Variants in NCALD observed in about 807,000 individuals in gnomAD.
NCALD encodes the protein neurocalcin-delta.
A neutral mutation model predicts 18.6 loss-of-function variants in NCALD; 10 were observed. The ratio of observed to expected loss-of-function variants is 0.54; its 90% CI spans 0.33 to 0.91. The LOEUF (loss-of-function observed/expected upper bound fraction) is 0.91. Ranked by LOEUF, NCALD falls within the 40% of genes least tolerant of loss-of-function variation. NCALD has a pLI of 0.03. For missense variants in NCALD, 184 were observed against 247.6 expected (o/e 0.74, Z 1.72); for synonymous variants, 88 against 87.4 (o/e 1.01, Z -0.04).
intron 2 of NCALD, among the ~76,000 whole-genome samples, chr8:101,944,457 C>G (rs542129009): frequency 1.3e-5 from 2 of 152,178 alleles, no homozygotes; most frequent in Non-Finnish European, 2.9e-5. Flanking sequence ...GGTGCCTGCT[C>G]GACTGGAGTA....
At chr8:101,875,749 T>C (rs893852297) in intron 4 of NCALD, among the ~76,000 whole-genome samples, 7 of 152,204 alleles carry the variant, frequency 4.6e-5, no homozygotes, top group African/African-American at 1.7e-4. Flanking sequence ...ATGAGGAAGA[T>C]GTCCACATTC....
chr8:101,864,357 A>G (rs1173394098), intron 4 of NCALD, among the ~76,000 whole-genome samples: 1 of 152,186 alleles, frequency 6.6e-6, no homozygotes, highest in East Asian at 1.9e-4. Flanking sequence ...CACACAGTGC[A>G]TGTGAGTGAT....
intron 1 of NCALD, among the ~76,000 whole-genome samples, chr8:101,787,262 G>A (rs1042935180): frequency 6.6e-6 from 1 of 152,124 alleles, no homozygotes; most frequent in Non-Finnish European, 1.5e-5. Flanking sequence ...TCTTTATCAA[G>A]TTGCTAGAGA....
In NCALD at chr8:101,882,752, C is replaced by T. The variant is rs1816535986; in HGVS notation, c.-20+4389G>A. ...ACCTGAAGGTAATCCTCACTGGTGC[C>T]CTGGTGTAATTCCACTGATGTCAGT... is the stretch of plus-strand genomic sequence containing the variant. On this transcript the variant is annotated intron_variant, in intron 4 of 6. Coordinates refer to the NCALD transcript ENST00000311028. 2.0e-5 allele frequency among the ~76,000 whole-genome samples: 3 copies of T among 152,178 alleles called. No homozygotes were observed. In the South Asian group the frequency reaches 6.2e-4, roughly 32 times the overall value.
chr8:101,846,246 C>T (rs1207285530), intron 4 of NCALD, among the ~76,000 whole-genome samples: 1 of 152,148 alleles, frequency 6.6e-6, no homozygotes, highest in Non-Finnish European at 1.5e-5. Flanking sequence ...GAGGACTCTC[C>T]ATACTTTTTT....
chr8:101,829,599 T>C (rs1045333315), intron 4 of NCALD, among the ~76,000 whole-genome samples: 1 of 152,232 alleles, frequency 6.6e-6, no homozygotes, highest in Non-Finnish European at 1.5e-5. Context: ...ATTTTTTTAA[T>C]TAAAGAAGTA....
At chr8:101,887,285 G>A (rs1816710026) in intron 3 of NCALD, 2 of 152,170 alleles carry the variant, frequency 1.3e-5, no homozygotes, top group Non-Finnish European at 2.9e-5. Flanking sequence ...CTCTGTAAAA[G>A]TTTTGGTGAG....
chr8:101,796,359 AATAGGCAAT>A (rs1014143358), intron 4 of NCALD, among the ~76,000 whole-genome samples: 1 of 152,236 alleles, frequency 6.6e-6, no homozygotes, highest in African/African-American at 2.4e-5. Context: ...CTGAGGAAAA[AATAGGCAAT>A]ATAGGTAGAC....
intron 2 of NCALD, among the ~76,000 whole-genome samples, chr8:101,713,025 G>T (rs1815884527): frequency 6.6e-6 from 1 of 152,036 alleles, no homozygotes; most frequent in Admixed American, 6.6e-5. Context: ...ACACATAATT[G>T]AAAGTAAAAC....
intron 4 of NCALD, among the ~76,000 whole-genome samples, chr8:101,854,783 A>G (rs548458342): frequency 6.6e-5 from 10 of 152,320 alleles, no homozygotes; most frequent in Admixed American, 1.3e-4. Context: ...AAAAATTTTC[A>G]TAAAGTAACA....
At chr8:101,906,562 G>A (rs886134365) in intron 3 of NCALD, among the ~76,000 whole-genome samples, 9 of 152,194 alleles carry the variant, frequency 5.9e-5, no homozygotes, top group African/African-American at 9.7e-5. Context: ...GCCAGCCACC[G>A]TTTGCTGACC....
chr8:101,826,848 T>C (rs1225655552), intron 4 of NCALD, among the ~76,000 whole-genome samples: 2 of 152,176 alleles, frequency 1.3e-5, no homozygotes, highest in African/African-American at 4.8e-5. Flanking sequence ...ATCACTGTTG[T>C]GCATAGAGTC....
chr8:102,022,855 C>T (rs79799954), intron 1 of NCALD, among the ~76,000 whole-genome samples: 1,663 of 152,184 alleles, frequency 0.011, 17 homozygotes, highest in Non-Finnish European at 0.012. Flanking sequence ...CATTTGCCCC[C>T]ATCCAAGCCA....
At chr8:101,944,947 C>A (rs966103018) in intron 2 of NCALD, among the ~76,000 whole-genome samples, 1 of 152,228 alleles carries the variant, frequency 6.6e-6, no homozygotes, top group Non-Finnish European at 1.5e-5. Context: ...AGCCTGTAGC[C>A]TTTCCTTTTA....
chr8:101,976,655 T>C (rs192206465), intron 2 of NCALD, among the ~76,000 whole-genome samples: 28 of 152,338 alleles, frequency 1.8e-4, no homozygotes, highest in South Asian at 1.7e-3. Flanking sequence ...GCTGATTCTT[T>C]CATTAGGAGA....
At chr8:101,742,373 T>A (rs1333561935) in intron 1 of NCALD, among the ~76,000 whole-genome samples, 2 of 152,232 alleles carry the variant, frequency 1.3e-5, no homozygotes, top group Admixed American at 1.3e-4. Context: ...TTTCCATTCA[T>A]CATGAATTAT....
chr8:101,906,103 T>C (rs755656423), intron 3 of NCALD, among the ~76,000 whole-genome samples: 4 of 152,206 alleles, frequency 2.6e-5, no homozygotes, highest in Non-Finnish European at 5.9e-5. Context: ...GTATGTAATA[T>C]GTCTATGATG....
intron 1 of NCALD, among the ~76,000 whole-genome samples, chr8:101,777,414 G>C (rs1243983841): frequency 6.6e-6 from 1 of 152,186 alleles, no homozygotes; most frequent in Non-Finnish European, 1.5e-5. Context: ...GGGGAAGTTA[G>C]GAATGGGACT....
chr8:102,057,281 C>CACACAA (rs1383779707), intron 1 of NCALD, among the ~76,000 whole-genome samples: 1 of 151,750 alleles, frequency 6.6e-6, no homozygotes, highest in Non-Finnish European at 1.5e-5. Context: ...CACACACACA[C>CACACAA]ACACATATGT....
Sources: gnomAD v4.1 joint callset for allele counts (sites outside exome capture counted in the v4.1 genomes callset) on GRCh38, gnomAD v4.1.1 for gene constraint, MANE v1.5 for transcripts, NCBI Gene and HGNC (gene_info 2026-07-23, HGNC 2026-07-21) for gene names.